The following USH2A variants were observed in gnomAD, a reference collection of about 807,000 sequenced individuals.
USH2A encodes the protein Usher syndrome 2A (autosomal recessive, mild).
USH2A carries 443 observed loss-of-function variants against 538.9 expected under a neutral mutation model. That is an observed-to-expected ratio of 0.82 (90% CI 0.76 to 0.89). The LOEUF is 0.89. Ranked by LOEUF, USH2A falls within the 40% of genes least tolerant of loss-of-function variation. The pLI is 0.00. For synonymous variants in USH2A, 2,413 were observed against 2,273.5 expected, an observed-to-expected ratio of 1.06 and a Z score of -1.75; for missense variants, 6,633 against 6,324.8, an observed-to-expected ratio of 1.05 and a Z score of -1.65.
intron 47 of USH2A, among the ~76,000 whole-genome samples, chr1:215,824,548 A>G (rs10082147): frequency 0.39 from 59,619 of 151,878 alleles, 12,108 homozygotes; most frequent in Admixed American, 0.52. Flanking sequence ...CCTGTGGAGC[A>G]AAACTACTAC....
chr1:216,050,537 A>G (rs1028816799), intron 30 of USH2A, among the ~76,000 whole-genome samples: 2 of 134,484 alleles, frequency 1.5e-5, no homozygotes, highest in African/African-American at 5.5e-5. Flanking sequence ...CTGCCTCTAC[A>G]TGCTACTAGA....
chr1:215,684,088 C>T (rs193145114), intron 61 of USH2A, among the ~76,000 whole-genome samples: 1 of 152,276 alleles, frequency 6.6e-6, no homozygotes, highest in African/African-American at 2.4e-5. Flanking sequence ...TGGGATTCAG[C>T]CTCTTTTTTC....
chr1:216,205,444 T>G (rs184064823), intron 16 of USH2A, among the ~76,000 whole-genome samples: 24 of 152,298 alleles, frequency 1.6e-4, no homozygotes, highest in African/African-American at 5.8e-4. Flanking sequence ...AGACTTGGAA[T>G]ACTGAAGAGA....
intron 31 of USH2A, among the ~76,000 whole-genome samples, chr1:216,047,750 A>C (rs766729057): frequency 1.3e-5 from 2 of 152,178 alleles, no homozygotes; most frequent in Non-Finnish European, 2.9e-5. Flanking sequence ...TCAAGCGTTT[A>C]AATCTCCTAA....
At chr1:216,253,138 TTTG>T (rs2036195631) in intron 11 of USH2A, among the ~76,000 whole-genome samples, 1 of 151,692 alleles carries the variant, frequency 6.6e-6, no homozygotes, top group South Asian at 2.1e-4. Context: ...TTTTATATGT[TTTG>T]TTATTTTTTC....
chr1:216,082,023 C>A (rs903936488), intron 26 of USH2A, among the ~76,000 whole-genome samples: 1 of 151,826 alleles, frequency 6.6e-6, no homozygotes, highest in African/African-American at 2.4e-5. Context: ...GCATATAGAC[C>A]TCCAGCTCAG....
At chr1:215,941,334 AAG>A (rs560921480) in intron 37 of USH2A, among the ~76,000 whole-genome samples, 1 of 152,164 alleles carries the variant, frequency 6.6e-6, no homozygotes, top group Non-Finnish European at 1.5e-5. Context: ...AACACACAGA[AAG>A]AGAGAGAGAG....
intron 21 of USH2A, among the ~76,000 whole-genome samples, chr1:216,148,386 C>A (rs1413192919): frequency 6.6e-6 from 1 of 151,940 alleles, no homozygotes; most frequent in Non-Finnish European, 1.5e-5. Flanking sequence ...GCCCTTCTTC[C>A]CAATCCAAAG....
chr1:215,670,938 T>G, intron 64 of USH2A, 34 bp downstream of exon 64: 1 of 1,610,886 alleles, frequency 6.2e-7, no homozygotes, highest in Non-Finnish European at 8.5e-7. Flanking sequence ...GTGCAAACAA[T>G]CAGCTCGAAT....
At chr1:216,200,941 T>C (rs11120740) in intron 16 of USH2A, among the ~76,000 whole-genome samples, 78,706 of 140,128 alleles carry the variant, frequency 0.56, 24,056 homozygotes, top group East Asian at 0.77. Flanking sequence ...CCAGCATATT[T>C]ATGTGCTTCC....
chr1:215,778,389 G>A (rs1361141070), intron 55 of USH2A, among the ~76,000 whole-genome samples: 1 of 152,072 alleles, frequency 6.6e-6, no homozygotes, highest in African/African-American at 2.4e-5. Flanking sequence ...AGGATCTTGA[G>A]GTAAGGAATA....
chr1:216,418,760 T>C, intron 2 of USH2A, 81 bp from the exon 3 acceptor site: 1 of 1,522,314 alleles, frequency 6.6e-7, no homozygotes, highest in Non-Finnish European at 9.1e-7. Context: ...GTTACAGTGG[T>C]GTTAAAATGA....
At chr1:216,043,378 G>A (rs2030371870) in intron 32 of USH2A, among the ~76,000 whole-genome samples, 1 of 151,848 alleles carries the variant, frequency 6.6e-6, no homozygotes, top group Non-Finnish European at 1.5e-5. Context: ...ATTTGGAGAT[G>A]AAAGCAACAA....
At position 216,175,389 on chromosome 1, in the gene USH2A, G is replaced by A. The variant is rs755482100; in HGVS notation, c.4490C>T (p.Ser1497Phe). 9 of 1,613,650 alleles carry A rather than the reference G, an allele frequency of 5.6e-6. No individual in the cohort carries two copies. In the Admixed American group the frequency reaches 1.3e-4, roughly 24 times the overall value. The change falls in exon 21 of 72, where the codon TCT becomes TTT. Residue 1497 changes from serine to phenylalanine, a missense_variant. Transcript: ENST00000307340. ...TCTCCTTTCCAGCTGATATATAGGAGAGGGTCCATTCAGTTCTTCAGGTGG... is the reference window on the plus strand; with the variant it reads ...TCTCCTTTCCAGCTGATATATAGGAAAGGGTCCATTCAGTTCTTCAGGTGG... ...WFPPEELNGP[S>F]PIYQLERRES...
intron 32 of USH2A, among the ~76,000 whole-genome samples, chr1:216,002,504 G>A (rs534342269): frequency 2.0e-5 from 3 of 152,040 alleles, no homozygotes; most frequent in African/African-American, 7.2e-5. Flanking sequence ...CAGTGCAATT[G>A]GAGAAAACCT....
At chr1:216,173,390 T>C (rs1181130267) in intron 21 of USH2A, among the ~76,000 whole-genome samples, 2 of 152,166 alleles carry the variant, frequency 1.3e-5, no homozygotes, top group Non-Finnish European at 2.9e-5. Context: ...AGAACATGCC[T>C]GAACACAGAA....
chr1:216,327,709 C>T (rs1426612598), intron 4 of USH2A, 55 bp from the exon 5 acceptor site: 4 of 1,580,066 alleles, frequency 2.5e-6, no homozygotes, highest in South Asian at 1.1e-5. Context: ...CAAGCAATAC[C>T]TGACAAGTAT....
intron 47 of USH2A, among the ~76,000 whole-genome samples, chr1:215,827,375 CTGTT>C (rs1663183932): frequency 6.6e-6 from 1 of 152,106 alleles, no homozygotes; most frequent in Non-Finnish European, 1.5e-5. Context: ...AGCGACCGAG[CTGTT>C]TCTATGGGAG....
chr1:215,993,522 A>G (rs1668056603), intron 34 of USH2A, among the ~76,000 whole-genome samples: 1 of 151,888 alleles, frequency 6.6e-6, no homozygotes, highest in South Asian at 2.1e-4. Flanking sequence ...ACACACACAC[A>G]CACACACACA....
Sources: gnomAD v4.1 joint callset for allele counts (sites outside exome capture counted in the v4.1 genomes callset) on GRCh38, gnomAD v4.1.1 for gene constraint, MANE v1.5 for transcripts, NCBI Gene and HGNC (gene_info 2026-07-23, HGNC 2026-07-21) for gene names.